PDE4D: variants seen among roughly 807,000 people sequenced by gnomAD.
PDE4D encodes the protein phosphodiesterase 4D, also known as 3',5'-cyclic-AMP phosphodiesterase 4D.
A neutral mutation model predicts 87.4 loss-of-function variants in PDE4D; 24 were observed. The observed-to-expected ratio is 0.27, with a 90% CI of 0.20 to 0.39. The LOEUF is 0.39. PDE4D is among the 10% of genes least tolerant of loss of function. The probability of loss-of-function intolerance (pLI) is 1.00; values close to 1 mark genes in which losing one functional copy is unlikely to be tolerated. For missense variants in PDE4D, 714 were observed against 1,041.0 expected, an observed-to-expected ratio of 0.69 and a Z score of 4.32; for synonymous variants, 384 against 383.2, an observed-to-expected ratio of 1.00 and a Z score of -0.02.
chr5:59,254,806 A>C (rs1325735572), intron 1 of PDE4D, among the ~76,000 whole-genome samples: 2 of 152,102 alleles, frequency 1.3e-5, no homozygotes, highest in African/African-American at 4.8e-5. Context: ...CCATCACCTT[A>C]AGTGCATACG....
At chr5:59,414,742 A>G (rs1363765080) in intron 1 of PDE4D, among the ~76,000 whole-genome samples, 2 of 152,214 alleles carry the variant, frequency 1.3e-5, no homozygotes, top group Non-Finnish European at 2.9e-5. Flanking sequence ...AAACAAAAAT[A>G]ACAACAACAA....
intron 1 of PDE4D, among the ~76,000 whole-genome samples, chr5:59,454,919 CTTTGAACTTGAGGGAGGTGACTTAGGGTA>C (rs1013192600): frequency 5.9e-5 from 9 of 152,128 alleles, no homozygotes; most frequent in African/African-American, 2.2e-4. Context: ...ATCTGTGGAA[CTTTGAACTTGAGGGAGGTGACTTAGGGTA>C]TTTGGTGGAA....
At chr5:60,396,369 C>A (rs147844248) in intron 1 of PDE4D, among the ~76,000 whole-genome samples, 1 of 152,140 alleles carries the variant, frequency 6.6e-6, no homozygotes, top group Non-Finnish European at 1.5e-5. Context: ...AAAGACCCTG[C>A]CACATATTTC....
chr5:60,131,303 C>T (rs1418186539), intron 2 of PDE4D, among the ~76,000 whole-genome samples: 4 of 152,258 alleles, frequency 2.6e-5, no homozygotes, highest in African/African-American at 9.6e-5. Context: ...AAGGATAAAG[C>T]TGGGCCCTCT....
At chr5:59,715,698 A>AT (rs1367561174) in intron 1 of PDE4D, among the ~76,000 whole-genome samples, 2 of 152,226 alleles carry the variant, frequency 1.3e-5, no homozygotes, top group Non-Finnish European at 2.9e-5. Context: ...GGCAAGACCT[A>AT]TGGGAGGAAG....
chr5:60,385,145 C>T (rs1762113346), intron 1 of PDE4D, among the ~76,000 whole-genome samples: 2 of 152,170 alleles, frequency 1.3e-5, no homozygotes, highest in South Asian at 4.1e-4. Flanking sequence ...AGATTGGATT[C>T]CACCAGAAGT....
At chr5:60,365,663 G>T (rs759666450) in intron 1 of PDE4D, among the ~76,000 whole-genome samples, 2 of 152,196 alleles carry the variant, frequency 1.3e-5, no homozygotes, top group East Asian at 1.9e-4. Context: ...TACCAAGGGC[G>T]CTGAGATTAC....
intron 1 of PDE4D, among the ~76,000 whole-genome samples, chr5:60,316,748 T>A (rs1583399112): frequency 6.6e-6 from 1 of 152,204 alleles, no homozygotes; most frequent in South Asian, 2.1e-4. Flanking sequence ...GAGATAATCA[T>A]ATGGTTTTTG....
chr5:60,070,178 T>C (rs1772550783), intron 2 of PDE4D, among the ~76,000 whole-genome samples: 1 of 152,130 alleles, frequency 6.6e-6, no homozygotes, highest in African/African-American at 2.4e-5. Context: ...TTTACTTTTT[T>C]TCTTACCCAA....
chr5:59,010,413 T>C (rs967533146), intron 6 of PDE4D, among the ~76,000 whole-genome samples: 3 of 152,174 alleles, frequency 2.0e-5, no homozygotes, highest in Non-Finnish European at 2.9e-5. Context: ...TTTTTAATTC[T>C]TTGTAATAAA....
chr5:59,542,349 G>A (rs149484243), intron 1 of PDE4D, among the ~76,000 whole-genome samples: 28 of 152,250 alleles, frequency 1.8e-4, no homozygotes, highest in African/African-American at 6.3e-4. Context: ...TGTACAGAGA[G>A]TACAGACATT....
chr5:59,030,723 C>A (rs555103515), intron 6 of PDE4D, among the ~76,000 whole-genome samples: 1 of 152,190 alleles, frequency 6.6e-6, no homozygotes, highest in Admixed American at 6.5e-5. Context: ...AGAGCAAGAC[C>A]CTGTCTCAAA....
At chr5:59,059,519 G>C (rs1762830081) in intron 5 of PDE4D, among the ~76,000 whole-genome samples, 1 of 152,194 alleles carries the variant, frequency 6.6e-6, no homozygotes, top group Non-Finnish European at 1.5e-5. Flanking sequence ...ATGAGGATAT[G>C]AGTTGGTAAG....
intron 5 of PDE4D, among the ~76,000 whole-genome samples, chr5:59,154,137 G>T (rs954843215): frequency 6.6e-6 from 1 of 152,158 alleles, no homozygotes; most frequent in Non-Finnish European, 1.5e-5. Flanking sequence ...TGATGGGAAG[G>T]CTTGAAAAGG....
intron 1 of PDE4D, among the ~76,000 whole-genome samples, chr5:60,305,038 TACACACACACAC>T (rs35539982): frequency 7.4e-6 from 1 of 135,846 alleles, no homozygotes; most frequent in Non-Finnish European, 1.7e-5. Context: ...TTTTGAGCTA[TACACACACACAC>T]ACACACACAC....
intron 1 of PDE4D, among the ~76,000 whole-genome samples, chr5:60,209,900 T>A (rs1280259759): frequency 2.0e-5 from 3 of 152,206 alleles, no homozygotes; most frequent in South Asian, 2.1e-4. Flanking sequence ...TAATAAAAGC[T>A]ACCATCAGAA....
At position 58,983,338 on chromosome 5, in the gene PDE4D, C is replaced by A. The variant is rs866306823; in HGVS notation, c.1552+5155G>T. ...AATAGGAGTGGCATTAGGGCCACTT[C>A]TTTATGTAATTTGTGCCTTTAGTGT... On this transcript the variant is annotated intron_variant, in intron 11 of 14. Coordinates refer to ENST00000340635, the MANE Select transcript of PDE4D (RefSeq NM_001104631.2). Among the ~76,000 whole-genome samples, 5 of 152,144 alleles carry A rather than the reference C, an allele frequency of 3.3e-5. 1 individual carries two copies. The highest frequency in any genetic ancestry group is 6.8e-3 in the Middle Eastern group (2 of 294).
chr5:60,136,645 G>A (rs1465739329), intron 2 of PDE4D, among the ~76,000 whole-genome samples: 2 of 151,998 alleles, frequency 1.3e-5, no homozygotes, highest in East Asian at 1.9e-4. Flanking sequence ...ATATCTGCTC[G>A]ATTCAGTCTG....
At chr5:59,194,276 T>C (rs921277933) in intron 2 of PDE4D, among the ~76,000 whole-genome samples, 1 of 152,202 alleles carries the variant, frequency 6.6e-6, no homozygotes, top group African/African-American at 2.4e-5. Context: ...TTTCTTAGCA[T>C]GAATAATTTG....
Sources: allele counts gnomAD v4.1 joint callset (sites outside exome capture counted in the v4.1 genomes callset), GRCh38; gene constraint gnomAD v4.1.1; transcripts MANE v1.5; gene names NCBI Gene and HGNC (gene_info 2026-07-23, HGNC 2026-07-21).